Variants in KIF5C observed in about 807,000 individuals in gnomAD.
KIF5C encodes kinesin heavy chain isoform 5C.
In KIF5C, 18 loss-of-function variants were observed where a neutral mutation model predicts 125.2. The observed-to-expected ratio is 0.14, with a 90% CI of 0.10 to 0.21. KIF5C has a LOEUF of 0.21. Among genes scored for constraint, KIF5C ranks in the 10% least tolerant of loss-of-function variants. KIF5C has a pLI of 1.00. For synonymous variants in KIF5C, 405 were observed against 434.0 expected, an observed-to-expected ratio of 0.93 and a Z score of 0.83; for missense variants, 780 against 1,183.8, an observed-to-expected ratio of 0.66 and a Z score of 5.01.
At chr2:148,947,887 T>C (rs1682556350) in intron 8 of KIF5C, 1 of 456,630 alleles carries the variant, frequency 2.2e-6, no homozygotes, top group African/African-American at 2.0e-5. Context: ...TCTCCCTAAC[T>C]GTATGATTGA....
Position 149,010,306 on chromosome 2 carries a change from G to A in KIF5C, c.2722G>A (p.Val908Met). Residue 908 changes from valine (V) to methionine (M), a missense_variant, in exon 24 of 26, where the codon GTG becomes ATG. Transcript: ENST00000435030. Reference sequence around the variant, plus strand: ...GGAGGTGGATCGTATCAAGGAGGCCGTGCGGGCCAAGAACATGGCCAGAAG... The same window carrying A: ...GGAGGTGGATCGTATCAAGGAGGCCATGCGGGCCAAGAACATGGCCAGAAG... The part of the protein sequence containing the change: ...QQEVDRIKEA[V>M]RAKNMARRAH... 1.3e-6 allele frequency: 2 copies of A among 1,595,042 alleles called. No homozygotes were observed. The highest frequency in any genetic ancestry group is 1.3e-5 in the African/African-American group (1 of 74,628).
At chr2:149,012,797 G>A (rs1682250969) in intron 25 of KIF5C, among the ~76,000 whole-genome samples, 1 of 152,258 alleles carries the variant, frequency 6.6e-6, no homozygotes, top group Non-Finnish European at 1.5e-5. Context: ...ACAGGAAAAT[G>A]GGAAATGGTC....
At position 148,935,102 on chromosome 2, in the gene KIF5C, G is replaced by A. The variant is rs138713830; in HGVS notation, c.292-2182G>A. 6.7e-3 allele frequency: 2,660 copies of A among 397,546 alleles called. 22 individuals carry two copies. Among genetic ancestry groups the A allele is most frequent in the Non-Finnish European group, 8.9e-3 (1,769 of 199,798 alleles). 24.6% of individuals were successfully genotyped at this position (397,546 alleles called of 1,614,324 possible). On this transcript the variant is annotated intron_variant, in intron 3 of 25. Transcript: ENST00000435030. Reference sequence around the variant, plus strand: ...GTGGGGATGGGAGGCATTATTATGAGAACACTCACTTTTCTCACATTGATT... The same window carrying A: ...GTGGGGATGGGAGGCATTATTATGAAAACACTCACTTTTCTCACATTGATT...
intron 1 of KIF5C, 21 bp downstream of exon 1, chr2:148,875,764 C>A: frequency 6.3e-7 from 1 of 1,596,768 alleles, no homozygotes; most frequent in Admixed American, 1.7e-5. Flanking sequence ...GGGGCGTCTG[C>A]CTTCCCTGCT....
In KIF5C at chr2:148,951,368, G is replaced by A. The variant is rs1043758425; in HGVS notation, c.968+906G>A. 2.2e-4 allele frequency among the ~76,000 whole-genome samples: 34 copies of A among 152,158 alleles called. 1 individual carries two copies. Among genetic ancestry groups the A allele is most frequent in the African/African-American group, 8.0e-4 (33 of 41,436 alleles). On this transcript the variant is annotated intron_variant, in intron 10 of 25. Coordinates refer to ENST00000435030, the MANE Select transcript of KIF5C (RefSeq NM_004522.3). ...AGATCCCTGGGAGGTGTCCATAGGT[G>A]GGCAGCAGGTACGACTCCATAATCG... is the stretch of plus-strand genomic sequence containing the variant.
chr2:148,899,800 C>G (rs1680825621), intron 1 of KIF5C, among the ~76,000 whole-genome samples: 1 of 151,870 alleles, frequency 6.6e-6, no homozygotes, highest in South Asian at 2.1e-4. Context: ...ATTTCCTCAG[C>G]CAAGTCATGG....
At chr2:148,937,222 C>T in intron 3 of KIF5C, 62 bp from the exon 4 acceptor site, 1 of 1,534,566 alleles carries the variant, frequency 6.5e-7, no homozygotes, top group Non-Finnish European at 8.8e-7. Context: ...GATGGTTCTC[C>T]CTCTCTCTCA....
chr2:148,902,702 G>C (rs1680952011), intron 1 of KIF5C, among the ~76,000 whole-genome samples: 1 of 152,030 alleles, frequency 6.6e-6, no homozygotes, highest in Non-Finnish European at 1.5e-5. Context: ...TTTTCTTATG[G>C]GAGCCCAAGG....
chr2:148,974,181 T>G (rs1156618167), intron 12 of KIF5C, among the ~76,000 whole-genome samples: 1 of 152,192 alleles, frequency 6.6e-6, no homozygotes, highest in Non-Finnish European at 1.5e-5. Context: ...GGGTTAGGAA[T>G]CCCAGAGGCA....
intron 1 of KIF5C, among the ~76,000 whole-genome samples, chr2:148,905,102 CTG>C (rs1681054255): frequency 6.6e-6 from 1 of 152,066 alleles, no homozygotes; most frequent in Non-Finnish European, 1.5e-5. Flanking sequence ...TTATTGCCTT[CTG>C]TTTATAGCAT....
chr2:148,915,314 A>G (rs1681502078), intron 1 of KIF5C, among the ~76,000 whole-genome samples: 1 of 152,160 alleles, frequency 6.6e-6, no homozygotes, highest in South Asian at 2.1e-4. Context: ...ACAGACATCT[A>G]TTGAGCACCT....
chr2:148,955,217 A>G (rs1166507454), intron 10 of KIF5C, among the ~76,000 whole-genome samples: 1 of 152,188 alleles, frequency 6.6e-6, no homozygotes, highest in Non-Finnish European at 1.5e-5. Context: ...CTCAGAGCAG[A>G]TTGGAAGGTT....
rs957823417 is a variant in KIF5C at position 148,941,827 on chromosome 2, A to G, written c.446-108A>G. The G allele has an allele frequency of 3.4e-5, 51 of 1,487,416 alleles. No individual in the cohort carries two copies. The Admixed American group carries it at 1.1e-3, about 33-fold the overall frequency. 92.1% of individuals were successfully genotyped at this position (1,487,416 alleles called of 1,614,324 possible). ...GCCAAGGCTTAAACTTGCATATTGC[A>G]AAGAGATTAGATTTGACTGTCTTTG... On this transcript the variant is annotated intron_variant, in intron 5 of 25. Transcript: ENST00000435030.
At chr2:148,956,655 A>G (rs961717421) in intron 10 of KIF5C, among the ~76,000 whole-genome samples, 5 of 152,222 alleles carry the variant, frequency 3.3e-5, no homozygotes, top group Admixed American at 2.6e-4. Context: ...CATCCTCACA[A>G]TTTGACTCAG....
intron 1 of KIF5C, among the ~76,000 whole-genome samples, chr2:148,888,025 T>G (rs1275670428): frequency 6.6e-6 from 1 of 152,216 alleles, no homozygotes; most frequent in Non-Finnish European, 1.5e-5. Context: ...ATTAAGTACG[T>G]GCAAGCCATT....
chr2:149,018,347 A>T (rs1298937214), intron 25 of KIF5C, among the ~76,000 whole-genome samples: 8 of 152,202 alleles, frequency 5.3e-5, no homozygotes, highest in Admixed American at 5.2e-4. Flanking sequence ...CCTGGCACTG[A>T]ACAAGCACTC....
At chr2:148,958,756 C>T (rs968009974) in intron 10 of KIF5C, among the ~76,000 whole-genome samples, 3 of 151,962 alleles carry the variant, frequency 2.0e-5, no homozygotes, top group Admixed American at 1.3e-4. Context: ...TTGAGGTAGG[C>T]GGATCACCAG....
At chr2:148,897,301 C>T (rs952131693) in intron 1 of KIF5C, among the ~76,000 whole-genome samples, 2 of 152,114 alleles carry the variant, frequency 1.3e-5, no homozygotes, top group Non-Finnish European at 2.9e-5. Flanking sequence ...TGCTTATGAT[C>T]TACTAAGTTT....
chr2:149,017,538 T>C (rs950439012), intron 25 of KIF5C, among the ~76,000 whole-genome samples: 1 of 152,212 alleles, frequency 6.6e-6, no homozygotes, highest in African/African-American at 2.4e-5. Context: ...TTCCAGGCAG[T>C]GCTTTGGCAA....
Sources: gnomAD v4.1 joint callset for allele counts (sites outside exome capture counted in the v4.1 genomes callset) on GRCh38, gnomAD v4.1.1 for gene constraint, MANE v1.5 for transcripts, NCBI Gene and HGNC (gene_info 2026-07-23, HGNC 2026-07-21) for gene names.